The following CMSS1 variants were observed in gnomAD, a reference collection of about 807,000 sequenced individuals.
The protein encoded by CMSS1 is cms1 ribosomal small subunit homolog, also known as protein CMSS1.
In CMSS1, 33 loss-of-function variants were observed where a neutral mutation model predicts 43.5. The ratio of observed to expected loss-of-function variants is 0.76; its 90% CI spans 0.57 to 1.01. The LOEUF is 1.01. Among genes scored for constraint, CMSS1 ranks in the 50% least tolerant of loss-of-function variants. CMSS1 has a pLI of 0.00. For synonymous variants in CMSS1, 115 were observed against 117.2 expected (o/e 0.98, Z 0.12); for missense variants, 313 against 326.4 (o/e 0.96, Z 0.32).
chr3:100,168,650 G>A (rs1206762893), intron 6 of CMSS1, among the ~76,000 whole-genome samples: 6 of 151,754 alleles, frequency 4.0e-5, no homozygotes, highest in Admixed American at 3.9e-4. Context: ...TTCTTGAACA[G>A]GAAAACTCAA....
At chr3:100,002,336 G>T (rs1440305527) in intron 1 of CMSS1, among the ~76,000 whole-genome samples, 1 of 152,188 alleles carries the variant, frequency 6.6e-6, no homozygotes. Context: ...CCATACAGAA[G>T]ATAGGTCTTA....
chr3:99,923,348 A>G (rs958493452), intron 1 of CMSS1, among the ~76,000 whole-genome samples: 1 of 152,094 alleles, frequency 6.6e-6, no homozygotes, highest in South Asian at 2.1e-4. Flanking sequence ...CATACTCAAC[A>G]TGTCTAAACC....
At chr3:99,965,370 C>T (rs1255392419) in intron 1 of CMSS1, among the ~76,000 whole-genome samples, 2 of 152,106 alleles carry the variant, frequency 1.3e-5, no homozygotes, top group Non-Finnish European at 2.9e-5. Context: ...TCTCTGTTGC[C>T]CAGTCAGGTG....
chr3:100,096,564 T>C (rs548597863), intron 1 of CMSS1, among the ~76,000 whole-genome samples: 67 of 151,510 alleles, frequency 4.4e-4, no homozygotes, highest in African/African-American at 1.6e-3. Flanking sequence ...GAAATCAAAA[T>C]AATTGAACAC....
chr3:100,146,247 C>T (rs1310708777), intron 1 of CMSS1, among the ~76,000 whole-genome samples: 1 of 152,172 alleles, frequency 6.6e-6, no homozygotes. Context: ...TTTTATTTTT[C>T]CTGATTCTTA....
intron 2 of CMSS1, among the ~76,000 whole-genome samples, chr3:100,151,002 C>T (rs1258333898): frequency 6.6e-6 from 1 of 152,160 alleles, no homozygotes; most frequent in Non-Finnish European, 1.5e-5. Context: ...TGTTTATCTC[C>T]TTTAATCATA....
intron 1 of CMSS1, among the ~76,000 whole-genome samples, chr3:99,922,732 G>T (rs1253057668): frequency 6.6e-6 from 1 of 152,158 alleles, no homozygotes; most frequent in Non-Finnish European, 1.5e-5. Context: ...GTCTACAGTG[G>T]TTCAGAATAG....
chr3:100,060,778 C>G (rs368766401), intron 1 of CMSS1, among the ~76,000 whole-genome samples: 2 of 152,170 alleles, frequency 1.3e-5, no homozygotes, highest in African/African-American at 4.8e-5. Flanking sequence ...GGGAGGATAA[C>G]GAGCGTGGGA....
chr3:100,048,086 G>A (rs1175696005), intron 1 of CMSS1, among the ~76,000 whole-genome samples: 6 of 152,162 alleles, frequency 3.9e-5, no homozygotes, highest in African/African-American at 1.4e-4. Flanking sequence ...GGGCCAAACA[G>A]CCACAATCCA....
Position 100,014,899 on chromosome 3 carries a change from T to C in CMSS1, c.65-132074T>C, listed in dbSNP as rs201240452. On this transcript the variant is annotated intron_variant, in intron 1 of 9. Coordinates refer to ENST00000421999, the MANE Select transcript of CMSS1 (RefSeq NM_032359.4). ...CTTTTTTTTTTTTCTTTCTTTCTTT[T>C]TTTTTTTTTTTTTTTTTTTGCCCCT... 2.5e-3 allele frequency among the ~76,000 whole-genome samples: 238 copies of C among 95,820 alleles called. 1 individual carries two copies. The highest frequency in any genetic ancestry group is 4.7e-3 in the Middle Eastern group (1 of 214). 62.9% of individuals were successfully genotyped at this position (95,820 alleles called of 152,430 possible).
chr3:100,044,385 AG>A (rs2065249368), intron 1 of CMSS1, among the ~76,000 whole-genome samples: 2 of 152,160 alleles, frequency 1.3e-5, no homozygotes, highest in African/African-American at 4.8e-5. Flanking sequence ...TAATCTGTCA[AG>A]GGGGGCAGTG....
At chr3:100,007,625 C>A (rs1710025468) in intron 1 of CMSS1, among the ~76,000 whole-genome samples, 1 of 152,140 alleles carries the variant, frequency 6.6e-6, no homozygotes, top group African/African-American at 2.4e-5. Context: ...AGAAAGTGTA[C>A]AGATTTTGCT....
intron 1 of CMSS1, among the ~76,000 whole-genome samples, chr3:100,142,772 A>T (rs1452751703): frequency 1.3e-5 from 2 of 152,224 alleles, no homozygotes; most frequent in East Asian, 1.9e-4. Context: ...GGAAATTTGT[A>T]TAAGGGATTA....
At chr3:99,846,084 T>C (rs1943352120) in intron 1 of CMSS1, among the ~76,000 whole-genome samples, 1 of 152,196 alleles carries the variant, frequency 6.6e-6, no homozygotes, top group Non-Finnish European at 1.5e-5. Context: ...GGTGGGCTGA[T>C]GAATAGCCCA....
chr3:100,076,008 A>G (rs900979794), intron 1 of CMSS1, among the ~76,000 whole-genome samples: 13 of 152,168 alleles, frequency 8.5e-5, no homozygotes, highest in African/African-American at 3.1e-4. Context: ...GTAATTTCTA[A>G]GATCATTTCC....
At chr3:99,957,597 C>G (rs902596436) in intron 1 of CMSS1, among the ~76,000 whole-genome samples, 1 of 151,546 alleles carries the variant, frequency 6.6e-6, no homozygotes. Context: ...CCTCTGGGGC[C>G]TCCTATGAAC....
chr3:100,086,435 G>A (rs1041098039), intron 1 of CMSS1, among the ~76,000 whole-genome samples: 1 of 152,076 alleles, frequency 6.6e-6, no homozygotes, highest in Non-Finnish European at 1.5e-5. Flanking sequence ...AAAAATCCAG[G>A]TTCTACTCTT....
At chr3:99,896,593 G>T (rs904038432) in intron 1 of CMSS1, among the ~76,000 whole-genome samples, 1 of 152,150 alleles carries the variant, frequency 6.6e-6, no homozygotes, top group African/African-American at 2.4e-5. Context: ...AGAGGAAGTA[G>T]TTAACAACAA....
At chr3:99,926,853 G>A (rs1707307864) in intron 1 of CMSS1, among the ~76,000 whole-genome samples, 1 of 152,144 alleles carries the variant, frequency 6.6e-6, no homozygotes, top group African/African-American at 2.4e-5. Context: ...GGAATGGAAA[G>A]AAGGCTAGAA....
Sources: allele counts gnomAD v4.1 joint callset (sites outside exome capture counted in the v4.1 genomes callset), GRCh38; gene constraint gnomAD v4.1.1; transcripts MANE v1.5; gene names NCBI Gene and HGNC (gene_info 2026-07-23, HGNC 2026-07-21).